Variants in SPAG1 observed in about 807,000 individuals in gnomAD.
SPAG1 encodes the protein sperm associated antigen 1.
In SPAG1, 69 loss-of-function variants were observed where a neutral mutation model predicts 100.5. The observed-to-expected ratio is 0.69, with a 90% CI of 0.57 to 0.84. SPAG1 has a LOEUF of 0.84. Among genes scored for constraint, SPAG1 ranks in the 40% least tolerant of loss-of-function variants. The probability of loss-of-function intolerance (pLI) is 0.00; values close to 1 mark genes in which losing one functional copy is unlikely to be tolerated. For missense variants in SPAG1, 955 were observed against 1,133.1 expected (o/e 0.84, Z 2.26); for synonymous variants, 336 against 411.6 (o/e 0.82, Z 2.22).
At chr8:100,167,428 C>T (rs1815611213) in intron 3 of SPAG1, among the ~76,000 whole-genome samples, 1 of 152,130 alleles carries the variant, frequency 6.6e-6, no homozygotes, top group Non-Finnish European at 1.5e-5. Flanking sequence ...CAATAAAAAA[C>T]AGAACAATTA....
intron 8 of SPAG1, among the ~76,000 whole-genome samples, chr8:100,190,660 T>A (rs1414656576): frequency 7.4e-6 from 1 of 135,532 alleles, no homozygotes; most frequent in African/African-American, 2.8e-5. Context: ...ATACTTTTTT[T>A]TTCTTTTTTT....
At chr8:100,165,718 G>A in intron 2 of SPAG1, 96 bp from the exon 3 acceptor site, 1 of 944,286 alleles carries the variant, frequency 1.1e-6, no homozygotes, top group Non-Finnish European at 1.6e-6. Flanking sequence ...GATCTCCACA[G>A]AACCTCAGGG....
intron 16 of SPAG1, among the ~76,000 whole-genome samples, chr8:100,238,675 A>C (rs1399776014): frequency 6.6e-6 from 1 of 152,222 alleles, no homozygotes; most frequent in Non-Finnish European, 1.5e-5. Flanking sequence ...GACTCTAGCC[A>C]ATTCGAAGAG....
chr8:100,169,340 G>A (rs920196597), intron 3 of SPAG1, among the ~76,000 whole-genome samples: 15 of 152,146 alleles, frequency 9.9e-5, no homozygotes, highest in Admixed American at 2.0e-4. Context: ...GATCACTTGA[G>A]CCCAGGAGTT....
intron 1 of SPAG1, among the ~76,000 whole-genome samples, chr8:100,159,696 C>A (rs1563764402): frequency 6.6e-6 from 1 of 152,130 alleles, no homozygotes; most frequent in African/African-American, 2.4e-5. Flanking sequence ...GCAATATTTA[C>A]TTTAATGTTA....
intron 12 of SPAG1, among the ~76,000 whole-genome samples, chr8:100,216,344 C>T (rs1187452058): frequency 1.3e-5 from 2 of 152,112 alleles, no homozygotes; most frequent in Non-Finnish European, 1.5e-5. Context: ...AACTTGAGAC[C>T]CCTAACATTA....
intron 5 of SPAG1, 125 bp downstream of exon 5, chr8:100,183,561 T>TAG: frequency 1.9e-6 from 1 of 530,552 alleles, no homozygotes; most frequent in Non-Finnish European, 3.4e-6. Context: ...ATTACTTCAA[T>TAG]AGAGTACTGA....
chr8:100,189,455 C>T (rs561939306), intron 8 of SPAG1, among the ~76,000 whole-genome samples: 9 of 146,014 alleles, frequency 6.2e-5, no homozygotes, highest in Admixed American at 2.0e-4. Flanking sequence ...CCAGCCTGGG[C>T]GACAGAACGA....
At chr8:100,230,733 C>T (rs559628468) in intron 14 of SPAG1, among the ~76,000 whole-genome samples, 9 of 152,282 alleles carry the variant, frequency 5.9e-5, no homozygotes, top group African/African-American at 2.2e-4. Flanking sequence ...AAGCACTTCT[C>T]CTGCCTCAGC....
intron 12 of SPAG1, among the ~76,000 whole-genome samples, chr8:100,215,813 C>T (rs191938274): frequency 3.4e-4 from 52 of 152,336 alleles, no homozygotes; most frequent in African/African-American, 1.2e-3. Flanking sequence ...CGTGAGCCAC[C>T]GCGCCCGGCC....
rs773749628 is a variant in SPAG1, at chr8:100,240,585, T to C, written c.2463T>C (p.Asp821=). ...QIINALSTRK[D]KEACAHLLAI... is the part of the protein sequence containing the mutation. ...TAAATGCTCTCAGTACCAGGAAGGA[T>C]AAAGAAGCCTGTGCACATCTTTTAG... The change falls in exon 18 of 19, where the codon GAT becomes GAC. Residue 821 remains aspartate, a synonymous_variant. Coordinates refer to ENST00000388798, the MANE Select transcript of SPAG1 (RefSeq NM_003114.5). 6.2e-7 allele frequency: 1 copy of C among 1,614,084 alleles called. No homozygotes were observed. The highest frequency in any genetic ancestry group is 1.7e-5 in the Admixed American group (1 of 59,994).
At position 100,191,382 on chromosome 8, in the gene SPAG1, A is replaced by G. The variant is rs1816808465; in HGVS notation, c.833-8A>G. On this transcript the variant is annotated splice_polypyrimidine_tract_variant and splice_region_variant and intron_variant, in intron 8 of 18. Transcript: ENST00000388798. ...AAAAACATAACTTTTATATTGGTAAATTTTCAGCTCTTCTGCGTCGTGCTA... is the reference window on the plus strand; with the variant it reads ...AAAAACATAACTTTTATATTGGTAAGTTTTCAGCTCTTCTGCGTCGTGCTA... The G allele has an allele frequency of 1.3e-6, 2 of 1,596,444 alleles. No individual in the cohort carries two copies. Among genetic ancestry groups the G allele is most frequent in the Admixed American group, 1.7e-5 (1 of 57,414 alleles).
intron 12 of SPAG1, among the ~76,000 whole-genome samples, chr8:100,220,049 T>G (rs929958013): frequency 6.6e-6 from 1 of 152,176 alleles, no homozygotes. Context: ...CCCGGCTCAG[T>G]GGGAAAGAGT....
At chr8:100,235,764 T>C (rs1222214028) in intron 16 of SPAG1, among the ~76,000 whole-genome samples, 2 of 152,010 alleles carry the variant, frequency 1.3e-5, no homozygotes, top group African/African-American at 4.8e-5. Flanking sequence ...AGGACCCCCG[T>C]GCTGCCCTGT....
chr8:100,200,393 G>A (rs1817223540), intron 10 of SPAG1, among the ~76,000 whole-genome samples: 3 of 152,320 alleles, frequency 2.0e-5, no homozygotes, highest in East Asian at 1.9e-4. Context: ...TGTGAATAGT[G>A]CCACAATAAA....
At chr8:100,197,110 A>G (rs1461559714) in intron 10 of SPAG1, among the ~76,000 whole-genome samples, 3 of 151,882 alleles carry the variant, frequency 2.0e-5, no homozygotes, top group African/African-American at 4.8e-5. Flanking sequence ...TTATTTGAGA[A>G]TTTCTCCTCC....
Position 100,191,410 on chromosome 8 carries a change from A to G in SPAG1, c.853A>G (p.Thr285Ala). ...TTCAGCTCTTCTGCGTCGTGCTACT[A>G]CATATAAACATCAAAACAAGCTCCG... is the stretch of plus-strand genomic sequence containing the variant. ...NVKALLRRAT[T>A]YKHQNKLREA... Residue 285 changes from threonine to alanine, a missense_variant, in exon 9 of 19, where the codon ACA (threonine) becomes GCA (alanine). Coordinates refer to ENST00000388798, the MANE Select transcript of SPAG1 (RefSeq NM_003114.5). 6.2e-7 allele frequency: 1 copy of G among 1,613,484 alleles called. No individual in the cohort carries two copies. Among genetic ancestry groups the G allele is most frequent in the Non-Finnish European group, 8.5e-7 (1 of 1,179,482 alleles).
intron 9 of SPAG1, among the ~76,000 whole-genome samples, 161 bp from the exon 10 acceptor site, chr8:100,193,951 T>G (rs1009149447): frequency 6.6e-6 from 1 of 152,140 alleles, no homozygotes; most frequent in Non-Finnish European, 1.5e-5. Flanking sequence ...GTGTGTTTTT[T>G]TTTTACAGTG....
intron 9 of SPAG1, among the ~76,000 whole-genome samples, chr8:100,193,041 T>G (rs1816880469): frequency 6.6e-6 from 1 of 152,222 alleles, no homozygotes; most frequent in African/African-American, 2.4e-5. Context: ...AAAATCTTTA[T>G]GACCTTAGAC....
Sources: gnomAD v4.1 joint callset for allele counts (sites outside exome capture counted in the v4.1 genomes callset) on GRCh38, gnomAD v4.1.1 for gene constraint, MANE v1.5 for transcripts, NCBI Gene and HGNC (gene_info 2026-07-23, HGNC 2026-07-21) for gene names.